The following R3HCC1L variants were observed in gnomAD, a reference collection of about 807,000 sequenced individuals.
R3HCC1L encodes the protein R3H domain and coiled-coil containing 1 like, also known as coiled-coil domain-containing protein R3HCC1L.
R3HCC1L carries 51 observed loss-of-function variants against 59.9 expected under a neutral mutation model. The observed-to-expected ratio is 0.85, with a 90% CI of 0.68 to 1.07. R3HCC1L has a LOEUF of 1.07. Ranked by LOEUF, R3HCC1L falls within the 50% of genes least tolerant of loss-of-function variation. The pLI is 0.00. For missense variants in R3HCC1L, 965 were observed against 933.0 expected (o/e 1.03, Z -0.45); for synonymous variants, 322 against 315.2 (o/e 1.02, Z -0.23).
intron 4 of R3HCC1L, among the ~76,000 whole-genome samples, chr10:98,164,819 A>G (rs1847778379): frequency 6.6e-6 from 1 of 152,104 alleles, no homozygotes; most frequent in Non-Finnish European, 1.5e-5. Context: ...AGAGCAGAGC[A>G]GTTTCTAAGT....
chr10:98,136,013 A>G lies in R3HCC1L; in HGVS notation c.-268+1307A>G, dbSNP rs1012874374. Among the ~76,000 whole-genome samples, 72 of 148,588 alleles carry G rather than the reference A, an allele frequency of 4.8e-4. 2 individuals carry two copies. The highest frequency in any genetic ancestry group is 1.7e-3 in the African/African-American group (68 of 40,238). ...CCTTACAGAGAATGCTAATTCTGCA[A>G]TCAGTTTTTTTTTTTTTTTTGGGTA... On this transcript the variant is annotated intron_variant, in intron 1 of 9. Coordinates refer to ENST00000298999, the MANE Select transcript of R3HCC1L (RefSeq NM_001351015.2).
Position 98,229,620 on chromosome 10 carries a change from G to C in R3HCC1L, c.1786-1892G>C, listed in dbSNP as rs369006466. 3.3e-5 allele frequency among the ~76,000 whole-genome samples: 5 copies of C among 152,264 alleles called. No homozygotes were observed. The South Asian group carries it at 1.0e-3, about 32-fold the overall frequency. ...TAGCCAGAACTTCCAACACTATGTT[G>C]AATGGGAGTGGTGAGAGAGGGCATC... On this transcript the variant is annotated intron_variant, in intron 5 of 9. Coordinates refer to ENST00000298999, the MANE Select transcript of R3HCC1L (RefSeq NM_001351015.2).
chr10:98,193,986 T>A (rs72826274), intron 4 of R3HCC1L, among the ~76,000 whole-genome samples: 1 of 152,112 alleles, frequency 6.6e-6, no homozygotes, highest in Non-Finnish European at 1.5e-5. Flanking sequence ...AAAACCATCC[T>A]AAAATTCATA....
chr10:98,194,528 G>C lies in R3HCC1L; in HGVS notation c.-14-13573G>C, dbSNP rs887385725. On this transcript the variant is annotated intron_variant, in intron 4 of 9. Transcript: ENST00000298999. ...CTATACAGCAAATAAACAGTTGTCA[G>C]AGTGTAAACACAGCCTGAGGAATAG... 4.6e-5 allele frequency among the ~76,000 whole-genome samples: 7 copies of C among 152,118 alleles called. No homozygotes were observed. In the East Asian group the frequency reaches 1.3e-3, roughly 29 times the overall value.
intron 4 of R3HCC1L, among the ~76,000 whole-genome samples, chr10:98,189,107 T>C (rs1177828163): frequency 6.6e-6 from 1 of 152,204 alleles, no homozygotes; most frequent in African/African-American, 2.4e-5. Flanking sequence ...CTTAGAGGGC[T>C]TTTATTGTTA....
In R3HCC1L at chr10:98,244,259, A is replaced by G. The variant is rs113775252; in HGVS notation, c.*101A>G. 5.2e-6 allele frequency: 6 copies of G among 1,149,022 alleles called. No individual in the cohort carries two copies. The highest frequency in any genetic ancestry group is 3.9e-6 in the Non-Finnish European group (3 of 777,770). 71.2% of individuals were successfully genotyped at this position (1,149,022 alleles called of 1,614,324 possible). On this transcript the variant is annotated 3_prime_UTR_variant, in exon 10 of 10. Transcript: ENST00000298999. ...GAGCTCTATGTACATGCAGATGTGC[A>G]TGTTAAAGAGATAAAGTGATCGAGA...
chr10:98,196,361 GA>G (rs1851432163), intron 4 of R3HCC1L, among the ~76,000 whole-genome samples: 1 of 151,970 alleles, frequency 6.6e-6, no homozygotes, highest in Non-Finnish European at 1.5e-5. Flanking sequence ...CAGTGTTAAC[GA>G]CAACCCCATC....
At chr10:98,213,556 A>G (rs575187682) in intron 5 of R3HCC1L, among the ~76,000 whole-genome samples, 27 of 152,328 alleles carry the variant, frequency 1.8e-4, no homozygotes, top group African/African-American at 6.3e-4. Flanking sequence ...AGATCCCCCA[A>G]TGCTAGACTG....
rs751287368 is a variant in R3HCC1L, at chr10:98,236,184, T to G, written c.2269+20T>G. 5.6e-6 allele frequency: 9 copies of G among 1,612,690 alleles called. No homozygotes were observed. Among genetic ancestry groups the G allele is most frequent in the African/African-American group, 5.3e-5 (4 of 74,862 alleles). ...CCAGAGGTGAGCTGAAAGGGTGGTG[T>G]TCTTCTCTAGGCCCTTCAGAACTCA... On this transcript the variant is annotated intron_variant, in intron 9 of 9. Coordinates refer to ENST00000298999, the MANE Select transcript of R3HCC1L (RefSeq NM_001351015.2).
intron 9 of R3HCC1L, 85 bp from the exon 10 acceptor site, chr10:98,244,006 A>G: frequency 1.7e-6 from 2 of 1,198,472 alleles, no homozygotes; most frequent in Admixed American, 1.7e-5. Flanking sequence ...TCTCATGACT[A>G]AAGTTTGCCT....
intron 4 of R3HCC1L, among the ~76,000 whole-genome samples, chr10:98,206,598 CA>C (rs1564691571): frequency 6.6e-6 from 1 of 151,680 alleles, no homozygotes; most frequent in African/African-American, 2.4e-5. Context: ...CATTTCTACC[CA>C]TTATTATTAT....
In R3HCC1L at chr10:98,244,449, AG is replaced by A. The variant is rs1857900096; in HGVS notation, c.*292del. On this transcript the variant is annotated 3_prime_UTR_variant, in exon 10 of 10. Transcript: ENST00000298999. Reference sequence around the variant, plus strand: ...TTGCCTGGACAGGGCAAGTCATGTTAGCGTGGGTCACACTTCCAAGATATTT... The same window carrying A: ...TTGCCTGGACAGGGCAAGTCATGTTACGTGGGTCACACTTCCAAGATATTT... The A allele has an allele frequency of 3.4e-6, 1 of 293,804 alleles. No homozygotes were observed. Among genetic ancestry groups the A allele is most frequent in the African/African-American group, 2.1e-5 (1 of 46,724 alleles). 18.2% of individuals were successfully genotyped at this position (293,804 alleles called of 1,614,324 possible).
chr10:98,150,176 C>T (rs1307438178), intron 1 of R3HCC1L, among the ~76,000 whole-genome samples: 2 of 152,132 alleles, frequency 1.3e-5, no homozygotes, highest in African/African-American at 4.8e-5. Flanking sequence ...TTAAATTTCT[C>T]CAATCTGTTT....
intron 9 of R3HCC1L, among the ~76,000 whole-genome samples, chr10:98,236,458 T>C (rs567442482): frequency 1.3e-5 from 2 of 152,100 alleles, no homozygotes; most frequent in African/African-American, 4.8e-5. Context: ...ATGAGAAAAA[T>C]TTTCCTGTGA....
chr10:98,209,927 T>C, intron 5 of R3HCC1L, 28 bp downstream of exon 5: 1 of 1,528,746 alleles, frequency 6.5e-7, no homozygotes, highest in Non-Finnish European at 8.9e-7. Flanking sequence ...TGCTTGATGC[T>C]TAGTTAGTTT....
In R3HCC1L at chr10:98,209,385, C is replaced by T. The variant is rs1252224357; in HGVS notation, c.1271C>T (p.Pro424Leu). The change falls in exon 5 of 10, where the codon CCT (proline) becomes CTT (leucine). Residue 424 changes from proline (P) to leucine (L), a missense_variant. By Grantham distance (98) the Pro-to-Leu change is moderately conservative. Coordinates refer to ENST00000298999, the MANE Select transcript of R3HCC1L (RefSeq NM_001351015.2). ...KFVGMSADATPLHVARSGNDT... is the reference protein window; with the variant it reads ...KFVGMSADATLLHVARSGNDT... The stretch of plus-strand genomic sequence containing the variant: ...GTAGGAATGAGTGCAGATGCAACCC[C>T]TCTTCATGTAGCTAGAAGTGGGAAT... 1 of 1,613,930 alleles carries T rather than the reference C, an allele frequency of 6.2e-7. No homozygotes were observed. The highest frequency in any genetic ancestry group is 8.5e-7 in the Non-Finnish European group (1 of 1,179,982).
intron 4 of R3HCC1L, among the ~76,000 whole-genome samples, chr10:98,197,135 A>G: frequency 6.6e-6 from 1 of 151,982 alleles, no homozygotes; most frequent in Non-Finnish European, 1.5e-5. Context: ...TTTTTAGTAG[A>G]GCAGAGGTTT....
At chr10:98,157,718 T>G (rs1847022046) in intron 2 of R3HCC1L, among the ~76,000 whole-genome samples, 1 of 152,262 alleles carries the variant, frequency 6.6e-6, no homozygotes, top group Non-Finnish European at 1.5e-5. Flanking sequence ...TCCTTGTGGA[T>G]TTATGTTTTA....
At chr10:98,156,817 T>C (rs1472284345) in intron 2 of R3HCC1L, among the ~76,000 whole-genome samples, 1 of 152,220 alleles carries the variant, frequency 6.6e-6, no homozygotes, top group Non-Finnish European at 1.5e-5. Context: ...AGTAAGTTGT[T>C]TTTACAATCG....
Sources: gnomAD v4.1 joint callset for allele counts (sites outside exome capture counted in the v4.1 genomes callset) on GRCh38, gnomAD v4.1.1 for gene constraint, MANE v1.5 for transcripts, NCBI Gene and HGNC (gene_info 2026-07-23, HGNC 2026-07-21) for gene names.